EFR3B: variants seen among roughly 807,000 people sequenced by gnomAD.
EFR3B encodes the protein EFR3 homolog B.
Under a neutral mutation model 104.7 loss-of-function variants are expected in EFR3B, and 64 were observed. The ratio of observed to expected loss-of-function variants is 0.61; its 90% confidence interval spans 0.50 to 0.75. The LOEUF (loss-of-function observed/expected upper bound fraction) is 0.75. Ranked by LOEUF, EFR3B falls within the 30% of genes least tolerant of loss-of-function variation. EFR3B has a pLI of 0.00. For missense variants in EFR3B, 750 were observed against 1,078.5 expected, an observed-to-expected ratio of 0.70 and a Z score of 4.27; for synonymous variants, 385 against 417.9, an observed-to-expected ratio of 0.92 and a Z score of 0.96.
At position 25,047,470 on chromosome 2, in the gene EFR3B, C is replaced by T. The variant is rs189411160; in HGVS notation, c.7+5151C>T. On this transcript the variant is annotated intron_variant, in intron 1 of 22. Coordinates refer to ENST00000403714, the MANE Select transcript of EFR3B (RefSeq NM_014971.2). ...TTTCCCTTCCCCTTTTCTTAACTCT[C>T]TTTTCTCTGTTTCTTAATTTTTTTA... Among the ~76,000 whole-genome samples the T allele has an allele frequency of 3.3e-5, 5 of 152,154 alleles. No homozygotes were observed. In the East Asian group the frequency reaches 7.7e-4, roughly 23 times the overall value.
rs1170693017 is a variant in EFR3B, at chr2:25,130,249, G to C, written c.770+140G>C. On this transcript the variant is annotated intron_variant, in intron 7 of 22. Coordinates refer to ENST00000403714, the MANE Select transcript of EFR3B (RefSeq NM_014971.2). The surrounding 1 kb of genome is among the most constrained non-coding windows in gnomAD (Gnocchi z 4.6). Reference sequence around the variant, plus strand: ...CCGAGTCGATCCCTTCCCTGTGCCTGTGTTCCCTGCACTGTGACAGCAAAA... The same window carrying C: ...CCGAGTCGATCCCTTCCCTGTGCCTCTGTTCCCTGCACTGTGACAGCAAAA... 2 of 1,360,826 alleles carry C rather than the reference G, an allele frequency of 1.5e-6. No individual in the cohort carries two copies. The highest frequency in any genetic ancestry group is 5.0e-5 in the East Asian group (2 of 39,778). 84.3% of individuals were successfully genotyped at this position (1,360,826 alleles called of 1,614,324 possible).
At chr2:25,124,391 T>A (rs949771044) in intron 5 of EFR3B, among the ~76,000 whole-genome samples, 5 of 150,908 alleles carry the variant, frequency 3.3e-5, no homozygotes, top group African/African-American at 9.7e-5. Flanking sequence ...AGAGACTTCA[T>A]GGGGCCCTTG....
At chr2:25,125,760 A>C (rs530014514) in intron 5 of EFR3B, among the ~76,000 whole-genome samples, 1 of 152,182 alleles carries the variant, frequency 6.6e-6, no homozygotes. Context: ...CATCCTGGCT[A>C]ACACGGTGAA....
intron 1 of EFR3B, among the ~76,000 whole-genome samples, chr2:25,086,317 T>A (rs985473085): frequency 6.6e-6 from 1 of 152,204 alleles, no homozygotes; most frequent in African/African-American, 2.4e-5. Context: ...AAGAGTTTAT[T>A]TAATTTTTTA....
In EFR3B at chr2:25,159,090, G is replaced by A. The variant is rs1294962586; in HGVS notation, c.*4750G>A. 9 of 152,212 alleles carry A rather than the reference G, an allele frequency of 5.9e-5. No individual in the cohort carries two copies. Among genetic ancestry groups the A allele is most frequent in the African/African-American group, 2.4e-5 (1 of 41,446 alleles). The allele number at this position is 152,212 out of a possible 1,614,324, so 9.4% of individuals were successfully genotyped here. On this transcript the variant is annotated 3_prime_UTR_variant, in exon 23 of 23. Transcript: ENST00000403714. ...GGACTATTAGTCGCGATCTCCCAGT[G>A]AGCCATCACGATGCCCTTTTCAAAT...
chr2:25,068,601 A>G (rs994077012), intron 1 of EFR3B, among the ~76,000 whole-genome samples: 2 of 151,270 alleles, frequency 1.3e-5, no homozygotes, highest in Non-Finnish European at 2.9e-5. Context: ...TCACCGTATG[A>G]TCTGTGCTGG....
At chr2:25,108,942 G>T (rs780680825) in intron 4 of EFR3B, among the ~76,000 whole-genome samples, 3 of 151,950 alleles carry the variant, frequency 2.0e-5, no homozygotes, top group Admixed American at 2.0e-4. Flanking sequence ...GGAGGCGAAG[G>T]TTGCAGTGAG....
Position 25,131,593 on chromosome 2 carries a change from C to T in EFR3B, c.985+90C>T, listed in dbSNP as rs1390790740. ...GAGGCAAGGGACAACAGGGAGGGGT[C>T]GGAGTCCGTTTTCCTCGGGAGAAGT... On this transcript the variant is annotated intron_variant, in intron 9 of 22. Coordinates refer to ENST00000403714, the MANE Select transcript of EFR3B (RefSeq NM_014971.2). This position sits in a 1 kb window ranked among gnomAD's most constrained non-coding sequence, Gnocchi z 7.6. 1 of 1,513,370 alleles carries T rather than the reference C, an allele frequency of 6.6e-7. No homozygotes were observed. The highest frequency in any genetic ancestry group is 8.9e-7 in the Non-Finnish European group (1 of 1,125,168). The allele number at this position is 1,513,370 out of a possible 1,614,324, so 93.7% of individuals were successfully genotyped here. A position where few individuals can be genotyped will look rare whatever the true frequency, so the allele number is the denominator to read the frequency against.
Position 25,082,037 on chromosome 2 carries a change from C to T in EFR3B, c.8-9288C>T, listed in dbSNP as rs10202839. ...GGCCAAAGGAGAAACAGGGCTGCGA[C>T]GCCTAGGGGTCACAGGGACGCAGAT... On this transcript the variant is annotated intron_variant, in intron 1 of 22. Transcript: ENST00000403714. Among the ~76,000 whole-genome samples the T allele has an allele frequency of 3.6e-3, 546 of 152,322 alleles. 3 individuals are homozygous for T. The highest frequency in any genetic ancestry group is 0.013 in the African/African-American group (521 of 41,576).
intron 1 of EFR3B, among the ~76,000 whole-genome samples, chr2:25,060,936 AAAC>A (rs59058259): frequency 3.3e-5 from 5 of 150,430 alleles, no homozygotes; most frequent in South Asian, 2.1e-4. Context: ...ACAAACAAAC[AAAC>A]AACAACAACA....
At chr2:25,053,689 G>A (rs1226903508) in intron 1 of EFR3B, among the ~76,000 whole-genome samples, 1 of 152,164 alleles carries the variant, frequency 6.6e-6, no homozygotes, top group African/African-American at 2.4e-5. Context: ...CGGATCACGA[G>A]GTCAAGAGAT....
At position 25,067,003 on chromosome 2, in the gene EFR3B, A is replaced by G. The variant is rs552307690; in HGVS notation, c.8-24322A>G. The stretch of plus-strand genomic sequence containing the variant: ...GAAAATGGGAGAAACAATAAAAATT[A>G]CATTTATTTTCAATTACATGAGTAA... On this transcript the variant is annotated intron_variant, in intron 1 of 22. Transcript: ENST00000403714. Among the ~76,000 whole-genome samples, 12 of 152,226 alleles carry G rather than the reference A, an allele frequency of 7.9e-5. No homozygotes were observed. The East Asian group carries it at 2.3e-3, about 29-fold the overall frequency.
chr2:25,080,829 T>C (rs1488284970), intron 1 of EFR3B: 8 of 903,022 alleles, frequency 8.9e-6, no homozygotes, highest in African/African-American at 3.3e-5. Flanking sequence ...ATCTTCACCA[T>C]TGGATTTATT....
chr2:25,055,680 A>G (rs1450160164), intron 1 of EFR3B, among the ~76,000 whole-genome samples: 1 of 152,222 alleles, frequency 6.6e-6, no homozygotes, highest in Non-Finnish European at 1.5e-5. Context: ...CTAAATTACG[A>G]GAACATTTAT....
intron 1 of EFR3B, among the ~76,000 whole-genome samples, chr2:25,045,719 T>C (rs1354847813): frequency 6.6e-6 from 1 of 151,722 alleles, no homozygotes; most frequent in Admixed American, 6.6e-5. Context: ...GAGGCGGAGG[T>C]TGCAGTGAGC....
chr2:25,145,803 C>T (rs1670796174), intron 19 of EFR3B: 2 of 151,906 alleles, frequency 1.3e-5, no homozygotes, highest in African/African-American at 4.8e-5. Flanking sequence ...CGCCCTTTGC[C>T]CCCTCCCCTC....
At chr2:25,109,046 A>T (rs1328061537) in intron 4 of EFR3B, among the ~76,000 whole-genome samples, 2 of 152,108 alleles carry the variant, frequency 1.3e-5, no homozygotes, top group Admixed American at 1.3e-4. Flanking sequence ...TAAAACTTGT[A>T]TGCACCAAAG....
Position 25,042,273 on chromosome 2 carries a change from C to T in EFR3B, c.-40C>T. 7.6e-7 allele frequency: 1 copy of T among 1,312,564 alleles called. No individual in the cohort carries two copies. Among genetic ancestry groups the T allele is most frequent in the Non-Finnish European group, 9.7e-7 (1 of 1,030,994 alleles). The allele number at this position is 1,312,564 out of a possible 1,614,324, so 81.3% of individuals were successfully genotyped here. A position where few individuals can be genotyped will look rare whatever the true frequency, so the allele number is the denominator to read the frequency against. On this transcript the variant is annotated 5_prime_UTR_variant, in exon 1 of 23. Transcript: ENST00000403714. This position sits in a 1 kb window ranked among gnomAD's most constrained non-coding sequence, Gnocchi z 5.4. ...CGCCGAGGGCTGGCTGGGAACGCCG[C>T]AGCGACGCCGGCCTCTCGAGAGGCG...
At chr2:25,111,208 C>T (rs547988744) in intron 4 of EFR3B, among the ~76,000 whole-genome samples, 183 of 152,322 alleles carry the variant, frequency 1.2e-3, no homozygotes, top group African/African-American at 4.2e-3. Flanking sequence ...AGTGTGATCC[C>T]GGCCTAGGGT....
Sources: gnomAD v4.1 joint callset for allele counts (sites outside exome capture counted in the v4.1 genomes callset) on GRCh38, gnomAD v4.1.1 for gene constraint, Gnocchi (gnomAD v3.1) non-coding constraint, MANE v1.5 for transcripts, NCBI Gene and HGNC (gene_info 2026-07-23, HGNC 2026-07-21) for gene names.